The following BRCA1 variants were observed in gnomAD, a reference collection of about 807,000 sequenced individuals.
BRCA1 encodes breast cancer type 1 susceptibility protein.
In BRCA1, 140 loss-of-function variants were observed where a neutral mutation model predicts 173.7. The observed-to-expected ratio is 0.81, with a 90% confidence interval of 0.70 to 0.93. The LOEUF is 0.93. Among genes scored for constraint, BRCA1 ranks in the 40% least tolerant of loss-of-function variants. BRCA1 has a pLI of 0.00. For synonymous variants in BRCA1, 662 were observed against 756.0 expected (o/e 0.88, Z 2.04); for missense variants, 1,983 against 2,172.5 (o/e 0.91, Z 1.73).
intron 1 of BRCA1, among the ~76,000 whole-genome samples, chr17:43,141,365 G>A (rs1398823199): frequency 1.3e-5 from 2 of 152,146 alleles, no homozygotes; most frequent in Non-Finnish European, 2.9e-5. Flanking sequence ...CAGCTACTCT[G>A]GAGGCTGAGG....
At chr17:43,131,473 G>A (rs2055965085) in intron 1 of BRCA1, among the ~76,000 whole-genome samples, 1 of 152,116 alleles carries the variant, frequency 6.6e-6, no homozygotes, top group South Asian at 2.1e-4. Context: ...CCCCAGAAGG[G>A]TGGGAACAGT....
rs1420399110 is a variant in BRCA1 at position 43,093,001 on chromosome 17, T to C, written c.2530A>G (p.Ser844Gly). The change falls in exon 10 of 23, where the codon AGC (serine) becomes GGC (glycine). Residue 844 changes from serine (S) to glycine (G), a missense_variant. Ser to Gly is a moderately conservative substitution (Grantham distance 56, BLOSUM62 0). Coordinates refer to ENST00000357654, the MANE Select transcript of BRCA1 (RefSeq NM_007294.4). ...GHEVNHSRET[S>G]IEMEESELDA... is the part of the protein sequence containing the mutation. ...AGTTCACTTTCTTCCATTTCTATGC[T>C]TGTTTCCCGACTGTGGTTAACTTCA... 1.2e-6 allele frequency: 2 copies of C among 1,613,896 alleles called. No homozygotes were observed. Among genetic ancestry groups the C allele is most frequent in the South Asian group, 1.1e-5 (1 of 91,076 alleles).
At chr17:43,153,596 G>C (rs886123177) in intron 1 of BRCA1, 1 of 147,296 alleles carries the variant, frequency 6.8e-6, no homozygotes, top group African/African-American at 2.5e-5. Context: ...TTAACTCTTT[G>C]TTCAGGGCTC....
rs747733248 is a variant in BRCA1, at chr17:43,104,271, A to T, written c.302-10T>A. On this transcript the variant is annotated splice_polypyrimidine_tract_variant and intron_variant, in intron 5 of 22. Transcript: ENST00000357654. ...TTATAGCTGTTTGCATCTGTAAAATACAAGGGAAAACATTATGTTTGCAGT... is the reference window on the plus strand; with the variant it reads ...TTATAGCTGTTTGCATCTGTAAAATTCAAGGGAAAACATTATGTTTGCAGT... 1.2e-5 allele frequency: 19 copies of T among 1,607,654 alleles called. No homozygotes were observed. The South Asian group carries it at 2.0e-4, about 17-fold the overall frequency.
rs1430577255 is a variant in BRCA1, at chr17:43,131,624, G to A, written c.-19-7509C>T. 2.0e-5 allele frequency among the ~76,000 whole-genome samples: 3 copies of A among 151,962 alleles called. No individual in the cohort carries two copies. In the East Asian group the frequency reaches 5.8e-4, roughly 30 times the overall value. Reference sequence around the variant, plus strand: ...TAGTCCTAGCTACTTGGGAGGCTGAGGCAGGAGAATGGCGTGAACCCAGGA... The same window carrying A: ...TAGTCCTAGCTACTTGGGAGGCTGAAGCAGGAGAATGGCGTGAACCCAGGA... On this transcript the variant is annotated intron_variant, in intron 1 of 7. Coordinates refer to the BRCA1 transcript ENST00000634433.
At chr17:43,087,664 G>GAA (rs1302904943) in intron 11 of BRCA1, among the ~76,000 whole-genome samples, 11 of 66,916 alleles carry the variant, frequency 1.6e-4, no homozygotes, top group East Asian at 4.6e-4. Flanking sequence ...CTCCATCTCA[G>GAA]AAAAAAAAAA....
upstream of BRCA1, among the ~76,000 whole-genome samples, chr17:43,129,695 C>A (rs1165514843): frequency 6.6e-6 from 1 of 152,160 alleles, no homozygotes; most frequent in Non-Finnish European, 1.5e-5. Context: ...AGGATGACCT[C>A]GATCTCCTGA....
intron 12 of BRCA1, chr17:43,079,307 G>A (rs934287924): frequency 2.6e-6 from 4 of 1,562,354 alleles, no homozygotes; most frequent in African/African-American, 1.4e-5. Context: ...CCAAAATGAC[G>A]AACACAAAGG....
At chr17:43,128,757 CT>C (rs2055938844), upstream of BRCA1, among the ~76,000 whole-genome samples, 3 of 151,712 alleles carry the variant, frequency 2.0e-5, no homozygotes. Flanking sequence ...GGTTAGGGAC[CT>C]TTGGTTTTGG....
At chr17:43,137,316 T>C (rs2056033929) in intron 1 of BRCA1, among the ~76,000 whole-genome samples, 1 of 150,006 alleles carries the variant, frequency 6.7e-6, no homozygotes, top group East Asian at 2.0e-4. Context: ...TTAGGAGATA[T>C]CCTTAATGTA....
chr17:43,051,041 T>C lies in BRCA1; in HGVS notation c.5332+22A>G, dbSNP rs200407477. The C allele has an allele frequency of 6.2e-7, 1 of 1,610,694 alleles. No individual in the cohort carries two copies. The highest frequency in any genetic ancestry group is 2.2e-5 in the East Asian group (1 of 44,870). ...AAGACAAAGGCTGGTGCTGGAACTC[T>C]GGGGTTCTCCCAGGCTCTTACCTGT... On this transcript the variant is annotated intron_variant, in intron 20 of 22. Transcript: ENST00000357654.
At chr17:43,086,077 T>G (rs2154194158) in intron 11 of BRCA1, among the ~76,000 whole-genome samples, 1 of 150,920 alleles carries the variant, frequency 6.6e-6, no homozygotes, top group East Asian at 1.9e-4. Flanking sequence ...AATCTATAAT[T>G]AACATTTCCT....
chr17:43,099,002 T>TA (rs940244552), intron 7 of BRCA1, among the ~76,000 whole-genome samples: 1 of 149,154 alleles, frequency 6.7e-6, no homozygotes, highest in Non-Finnish European at 1.5e-5. Context: ...TTTTTTTTTT[T>TA]AGTAGAGATG....
chr17:43,169,920 T>G (rs761570907), intron 1 of BRCA1: 55 of 438,754 alleles, frequency 1.3e-4, no homozygotes, highest in Non-Finnish European at 6.4e-5. Context: ...AATGTTGACG[T>G]TGGCCAGGAC....
intron 1 of BRCA1, among the ~76,000 whole-genome samples, chr17:43,132,418 T>G (rs2055975183): frequency 6.6e-6 from 1 of 152,008 alleles, no homozygotes. Context: ...AGAGGTGAGA[T>G]CCAAACCTAA....
intron 1 of BRCA1, chr17:43,145,403 T>A: frequency 2.6e-6 from 1 of 388,956 alleles, no homozygotes; most frequent in Non-Finnish European, 4.9e-6. Flanking sequence ...CTCGGCTCAC[T>A]GCAAGCTCCG....
intron 1 of BRCA1, among the ~76,000 whole-genome samples, chr17:43,143,427 C>T (rs1188426331): frequency 6.6e-6 from 1 of 152,144 alleles, no homozygotes; most frequent in East Asian, 1.9e-4. Context: ...CTTAGAACCC[C>T]CACAGCACGC....
At chr17:43,060,615 G>A (rs142018359) in intron 18 of BRCA1, among the ~76,000 whole-genome samples, 1 of 151,326 alleles carries the variant, frequency 6.6e-6, no homozygotes, top group Non-Finnish European at 1.5e-5. Context: ...CTCAGCCTCT[G>A]GAGTAGCTGG....
intron 1 of BRCA1, among the ~76,000 whole-genome samples, chr17:43,139,611 C>A (rs1183889280): frequency 6.6e-6 from 1 of 152,126 alleles, no homozygotes; most frequent in Non-Finnish European, 1.5e-5. Flanking sequence ...ACCTCGGCCT[C>A]CCAAAGTGCT....
Sources: gnomAD v4.1 joint callset for allele counts (sites outside exome capture counted in the v4.1 genomes callset) on GRCh38, gnomAD v4.1.1 for gene constraint, MANE v1.5 for transcripts, NCBI Gene and HGNC (gene_info 2026-07-23, HGNC 2026-07-21) for gene names.